Variants in DNAH10 observed in about 807,000 individuals in gnomAD.
DNAH10 encodes axonemal beta dynein heavy chain 10.
DNAH10 carries 348 observed loss-of-function variants against 506.6 expected under a neutral mutation model. The observed-to-expected ratio is 0.69, with a 90% CI of 0.63 to 0.75. The LOEUF is 0.75. DNAH10 is among the 30% of genes least tolerant of loss of function. The pLI, the probability that DNAH10 is intolerant of heterozygous loss-of-function variation, is 0.00. For missense variants in DNAH10, 5,179 were observed against 5,787.1 expected, an observed-to-expected ratio of 0.89 and a Z score of 3.41; for synonymous variants, 2,059 against 2,198.6, an observed-to-expected ratio of 0.94 and a Z score of 1.78.
rs61746561 is a variant in DNAH10, at chr12:123,933,442, C to T, written c.13408C>T (p.Arg4470Cys). 2.8e-3 allele frequency: 4,528 copies of T among 1,612,674 alleles called. 73 individuals carry two copies. The African/African-American group carries it at 0.045, about 16-fold the overall frequency. ...TCRKNGWPLD[R>C]STLFTQVTKF... is the part of the protein sequence containing the mutation. ...CCGGAAGAACGGCTGGCCACTGGAC[C>T]GCTCCACCTTGTTCACACAAGTGAC... is the stretch of plus-strand genomic sequence containing the variant. The change falls in exon 77 of 79, where the codon CGC becomes TGC. Residue 4470 changes from arginine (R) to cysteine (C), a missense_variant. Physicochemically the swap from Arg to Cys is radical, Grantham distance 180 (BLOSUM62 -3). This residue lies in a region of DNAH10 where 4,844 missense variants were observed against 5,430.5 expected (regional missense o/e 0.89). Transcript: ENST00000673944.
At chr12:123,843,729 C>T (rs1950851783) in intron 30 of DNAH10, among the ~76,000 whole-genome samples, 1 of 152,220 alleles carries the variant, frequency 6.6e-6, no homozygotes, top group Non-Finnish European at 1.5e-5. Context: ...AGGTGCACAT[C>T]ACCACACCCG....
At chr12:123,819,786 C>T (rs779734363) in intron 23 of DNAH10, among the ~76,000 whole-genome samples, 1 of 147,152 alleles carries the variant, frequency 6.8e-6, no homozygotes, top group East Asian at 2.0e-4. Flanking sequence ...CTCACCGCAA[C>T]CTCCACCTCC....
intron 52 of DNAH10, among the ~76,000 whole-genome samples, chr12:123,887,866 TC>T (rs1952808972): frequency 6.6e-6 from 1 of 151,772 alleles, no homozygotes; most frequent in Admixed American, 6.6e-5. Context: ...TGCCTCAGCC[TC>T]CCGAGTAGCT....
chr12:123,920,764 T>C (rs988385789), intron 65 of DNAH10, among the ~76,000 whole-genome samples: 1 of 152,214 alleles, frequency 6.6e-6, no homozygotes, highest in Non-Finnish European at 1.5e-5. Context: ...TGCATTTATT[T>C]TTATTTTTGT....
chr12:123,790,707 T>C (rs895237775), intron 11 of DNAH10, among the ~76,000 whole-genome samples: 19 of 151,928 alleles, frequency 1.3e-4, no homozygotes, highest in African/African-American at 4.6e-4. Context: ...TAGAGGGAAA[T>C]CAAGCTAGAA....
chr12:123,840,343 T>G (rs1950723944), intron 29 of DNAH10, among the ~76,000 whole-genome samples: 1 of 151,356 alleles, frequency 6.6e-6, no homozygotes, highest in Non-Finnish European at 1.5e-5. Flanking sequence ...TATTTTCGAC[T>G]GCATATTTTT....
intron 28 of DNAH10, among the ~76,000 whole-genome samples, chr12:123,836,865 T>C (rs982937494): frequency 6.6e-6 from 1 of 151,672 alleles, no homozygotes; most frequent in Non-Finnish European, 1.5e-5. Flanking sequence ...TCTCTTTTTT[T>C]TTTTTGAGAC....
intron 3 of DNAH10, among the ~76,000 whole-genome samples, chr12:123,772,120 T>C (rs1218225990): frequency 6.6e-6 from 1 of 152,152 alleles, no homozygotes; most frequent in Admixed American, 6.5e-5. Flanking sequence ...GGGTTTTTAA[T>C]GGGGATCAGT....
intron 55 of DNAH10, 118 bp from the exon 56 acceptor site, chr12:123,898,535 G>A: frequency 7.8e-7 from 1 of 1,284,866 alleles, no homozygotes; most frequent in Non-Finnish European, 1.0e-6. Flanking sequence ...AAAGACATGT[G>A]CCATCTTGTA....
rs1156877487 is a variant in DNAH10, at chr12:123,826,811, T to C, written c.4304T>C (p.Val1435Ala). ...CCTCGGCCAGTCCGTGGCTTATCAG[T>C]GACCTACTACTTGGAAGCAAAAATG... ...KLPRPVRGLSVTYYLEAKMKA... is the reference protein window; with the variant it reads ...KLPRPVRGLSATYYLEAKMKA... The change falls in exon 25 of 79, where the codon GTG becomes GCG. Residue 1435 changes from valine to alanine, a missense_variant. Coordinates refer to ENST00000673944, the MANE Select transcript of DNAH10 (RefSeq NM_001372106.1). 3 of 1,613,914 alleles carry C rather than the reference T, an allele frequency of 1.9e-6. No homozygotes were observed. In the South Asian group the frequency reaches 3.3e-5, roughly 18 times the overall value.
In DNAH10 at chr12:123,916,160, C is replaced by T. The variant is rs952314234; in HGVS notation, c.10723-297C>T. Among the ~76,000 whole-genome samples, 1 of 152,120 alleles carries T rather than the reference C, an allele frequency of 6.6e-6. No homozygotes were observed. The highest frequency in any genetic ancestry group is 2.4e-5 in the African/African-American group (1 of 41,418). On this transcript the variant is annotated intron_variant, in intron 62 of 78. Coordinates refer to ENST00000673944, the MANE Select transcript of DNAH10 (RefSeq NM_001372106.1). The surrounding 1 kb of genome is among the most constrained non-coding windows in gnomAD (Gnocchi z 4.6). The stretch of plus-strand genomic sequence containing the variant: ...GGGAGCACTGAAATTGTCAGCCTAC[C>T]CCTAGTCCAATTCCAACATCTACCC...
chr12:123,853,700 A>C lies in DNAH10; in HGVS notation c.6438+348A>C, dbSNP rs1951264681. Among the ~76,000 whole-genome samples the C allele has an allele frequency of 6.6e-6, 1 of 152,182 alleles. No individual in the cohort carries two copies. Among genetic ancestry groups the C allele is most frequent in the South Asian group, 2.1e-4 (1 of 4,832 alleles). On this transcript the variant is annotated intron_variant, in intron 36 of 78. Coordinates refer to ENST00000673944, the MANE Select transcript of DNAH10 (RefSeq NM_001372106.1). The surrounding 1 kb of genome is among the most constrained non-coding windows in gnomAD (Gnocchi z 4.7). Reference sequence around the variant, plus strand: ...TGAGTTGTTATTTTCTCTTTGAAACAAAAGAGGGGAACAATTGTGTTTTTT... The same window carrying C: ...TGAGTTGTTATTTTCTCTTTGAAACCAAAGAGGGGAACAATTGTGTTTTTT...
chr12:123,853,313 G>A lies in DNAH10; in HGVS notation c.6399G>A (p.Met2133Ile). Residue 2133 changes from methionine to isoleucine, a missense_variant, in exon 36 of 79, where the codon ATG (methionine) becomes ATA (isoleucine). Around this residue, in one of 3 missense-constraint regions of DNAH10, gnomAD observed 4,844 missense variants for 5,430.5 expected, o/e 0.89. Transcript: ENST00000673944. The surrounding 1 kb of genome is among the most constrained non-coding windows in gnomAD (Gnocchi z 4.7). ...GAGCCCTGAAATCGGTGCTGGTCAT[G>A]GCTGGTGAGCTGAAGAGAGGCTCCT... is the stretch of plus-strand genomic sequence containing the variant. Reference protein sequence around the residue: ...GLRALKSVLVMAGELKRGSSD... With the variant: ...GLRALKSVLVIAGELKRGSSD... 1 of 1,612,492 alleles carries A rather than the reference G, an allele frequency of 6.2e-7. No homozygotes were observed.
intron 12 of DNAH10, among the ~76,000 whole-genome samples, chr12:123,795,932 T>C (rs1185142854): frequency 6.6e-6 from 1 of 152,200 alleles, no homozygotes; most frequent in Admixed American, 6.5e-5. Flanking sequence ...TTCTCCATGA[T>C]GTGGTTATTA....
chr12:123,879,376 T>G lies in DNAH10; in HGVS notation c.8466+19T>G, dbSNP rs373630096. 36 of 1,551,004 alleles carry G rather than the reference T, an allele frequency of 2.3e-5. No individual in the cohort carries two copies. The highest frequency in any genetic ancestry group is 9.6e-5 in the African/African-American group (7 of 72,886). On this transcript the variant is annotated intron_variant, in intron 49 of 78. Transcript: ENST00000673944. ...GCAGCTGGTCAGTACATCCAATGCT[T>G]CTTCTCAGGAAATTCTTCTCAGGAA...
intron 52 of DNAH10, among the ~76,000 whole-genome samples, chr12:123,892,381 C>T (rs993409322): frequency 1.7e-4 from 26 of 152,160 alleles, no homozygotes; most frequent in African/African-American, 4.6e-4. Context: ...AACTCACTCG[C>T]GCTCACAAGA....
At position 123,862,977 on chromosome 12, in the gene DNAH10, T is replaced by C. The variant is rs192495956; in HGVS notation, c.6909-1618T>C. Among the ~76,000 whole-genome samples, 43 of 152,346 alleles carry C rather than the reference T, an allele frequency of 2.8e-4. No individual in the cohort carries two copies. In the East Asian group the frequency reaches 7.9e-3, roughly 28 times the overall value. On this transcript the variant is annotated intron_variant, in intron 39 of 78. Coordinates refer to ENST00000673944, the MANE Select transcript of DNAH10 (RefSeq NM_001372106.1). ...AAAAAAACGTAACAATTGGGGAATC[T>C]GACTGAAAGGCATATGGGAGTTCTT...
chr12:123,935,250 C>A, intron 78 of DNAH10, 85 bp from the exon 79 acceptor site: 3 of 1,526,308 alleles, frequency 2.0e-6, no homozygotes, highest in Non-Finnish European at 2.7e-6. Context: ...GGGGCCCCTG[C>A]CTGTCAAGAC....
chr12:123,884,075 C>A (rs1952625051), intron 51 of DNAH10, among the ~76,000 whole-genome samples: 1 of 152,022 alleles, frequency 6.6e-6, no homozygotes, highest in Non-Finnish European at 1.5e-5. Flanking sequence ...GCTCTGTTGC[C>A]CAGGCTGGAG....
Sources: gnomAD v4.1 joint callset for allele counts (sites outside exome capture counted in the v4.1 genomes callset) on GRCh38, gnomAD v4.1.1 for gene constraint, gnomAD v4.1.1 regional missense constraint, Gnocchi (gnomAD v3.1) non-coding constraint, MANE v1.5 for transcripts, NCBI Gene and HGNC (gene_info 2026-07-23, HGNC 2026-07-21) for gene names.